GRID2: variants seen among roughly 807,000 people sequenced by gnomAD.
The protein encoded by GRID2 is glutamate ionotropic receptor delta type subunit 2.
In GRID2, 33 loss-of-function variants were observed where a neutral mutation model predicts 114.8. That is an observed-to-expected ratio of 0.29 (90% confidence interval 0.22 to 0.38). GRID2 has a LOEUF of 0.38. Among genes scored for constraint, GRID2 ranks in the 10% least tolerant of loss-of-function variants. GRID2 has a pLI of 1.00. For synonymous variants in GRID2, 505 were observed against 449.9 expected (o/e 1.12, Z -1.55); for missense variants, 1,184 against 1,257.7 (o/e 0.94, Z 0.89).
chr4:93,741,713 C>T (rs1731434467), intron 14 of GRID2, among the ~76,000 whole-genome samples: 1 of 152,078 alleles, frequency 6.6e-6, no homozygotes, highest in Non-Finnish European at 1.5e-5. Flanking sequence ...CTCCTGAGGT[C>T]AGGAGTTCGA....
chr4:93,315,172 C>T (rs944032619), intron 8 of GRID2, among the ~76,000 whole-genome samples: 7 of 152,072 alleles, frequency 4.6e-5, no homozygotes, highest in African/African-American at 1.7e-4. Context: ...AGAATTCACT[C>T]ACCATCACAA....
At chr4:92,651,585 T>C (rs778632071) in intron 2 of GRID2, among the ~76,000 whole-genome samples, 159 of 152,202 alleles carry the variant, frequency 1.0e-3, no homozygotes, top group Middle Eastern at 3.4e-3. Context: ...TTATTTTTCA[T>C]TCTGAGAGGT....
chr4:92,935,912 C>G (rs1216569329), intron 2 of GRID2, among the ~76,000 whole-genome samples: 3 of 145,356 alleles, frequency 2.1e-5, no homozygotes, highest in African/African-American at 7.3e-5. Flanking sequence ...GGAGGGATAG[C>G]ATTAAGAGAT....
At chr4:93,538,240 A>T (rs1210222075) in intron 13 of GRID2, among the ~76,000 whole-genome samples, 1 of 151,728 alleles carries the variant, frequency 6.6e-6, no homozygotes, top group African/African-American at 2.4e-5. Flanking sequence ...TGCTCAAATA[A>T]CAAAAGGAGC....
chr4:92,988,588 A>G (rs1754651713), intron 2 of GRID2, among the ~76,000 whole-genome samples: 1 of 152,110 alleles, frequency 6.6e-6, no homozygotes, highest in Non-Finnish European at 1.5e-5. Context: ...ATTGGGGACA[A>G]TCCTACAGGC....
chr4:93,163,389 T>C (rs1467251216), intron 4 of GRID2, among the ~76,000 whole-genome samples: 2 of 44,654 alleles, frequency 4.5e-5, no homozygotes, highest in African/African-American at 1.7e-4. Flanking sequence ...TATATATATA[T>C]ATATATATAT....
At chr4:93,659,811 G>A (rs1723326683) in intron 14 of GRID2, among the ~76,000 whole-genome samples, 1 of 151,158 alleles carries the variant, frequency 6.6e-6, no homozygotes, top group African/African-American at 2.5e-5. Context: ...CTGAAGATGG[G>A]AGACCTAGTT....
At chr4:92,450,972 C>A (rs1315226312) in intron 1 of GRID2, among the ~76,000 whole-genome samples, 1 of 150,312 alleles carries the variant, frequency 6.7e-6, no homozygotes, top group African/African-American at 2.4e-5. Flanking sequence ...AGTGACCATA[C>A]AAAACAAATA....
In GRID2 at chr4:92,917,516, C is replaced by T. The variant is rs1050182241; in HGVS notation, c.245-167479C>T. Among the ~76,000 whole-genome samples, 4 of 152,214 alleles carry T rather than the reference C, an allele frequency of 2.6e-5. No individual in the cohort carries two copies. In the South Asian group the frequency reaches 8.3e-4, roughly 32 times the overall value. On this transcript the variant is annotated intron_variant, in intron 2 of 15. Transcript: ENST00000282020. ...TAGGTCTAACGTTTAAGTCTTTAAT[C>T]GATCTTGAATTAATTTTTGTATAAG...
At chr4:92,519,185 C>A (rs561246373) in intron 1 of GRID2, among the ~76,000 whole-genome samples, 1 of 151,678 alleles carries the variant, frequency 6.6e-6, no homozygotes, top group African/African-American at 2.4e-5. Context: ...TCAATGGCAG[C>A]ATAGGATGGC....
chr4:92,720,944 T>C (rs1735781099), intron 2 of GRID2, among the ~76,000 whole-genome samples: 1 of 152,120 alleles, frequency 6.6e-6, no homozygotes, highest in South Asian at 2.1e-4. Flanking sequence ...AAATGTGGTA[T>C]AAATATAATG....
rs115725856 is a variant in GRID2 at position 92,675,969 on chromosome 4, A to G, written c.244+85683A>G. ...GAAAAAGAAAATACAGCCCTACGCTATATGTTATTTAATGCCTGAGAAGAG... is the reference window on the plus strand; with the variant it reads ...GAAAAAGAAAATACAGCCCTACGCTGTATGTTATTTAATGCCTGAGAAGAG... On this transcript the variant is annotated intron_variant, in intron 2 of 15. Coordinates refer to ENST00000282020, the MANE Select transcript of GRID2 (RefSeq NM_001510.4). Among the ~76,000 whole-genome samples the G allele has an allele frequency of 5.1e-3, 771 of 152,228 alleles. 9 individuals carry two copies. Among genetic ancestry groups the G allele is most frequent in the African/African-American group, 0.017 (725 of 41,542 alleles).
intron 13 of GRID2, among the ~76,000 whole-genome samples, chr4:93,619,237 T>G (rs1261583806): frequency 3.9e-5 from 6 of 152,186 alleles, no homozygotes; most frequent in African/African-American, 9.6e-5. Context: ...TACTTAAACT[T>G]GAGTTTGATC....
At chr4:93,185,428 T>G (rs78916609) in intron 4 of GRID2, among the ~76,000 whole-genome samples, 1,556 of 152,266 alleles carry the variant, frequency 0.01, 31 homozygotes, top group African/African-American at 0.036. Flanking sequence ...GATATCACAG[T>G]TTTAATTGAC....
intron 13 of GRID2, among the ~76,000 whole-genome samples, chr4:93,578,381 T>TAAAG (rs1397251503): frequency 6.6e-6 from 1 of 152,122 alleles, no homozygotes; most frequent in African/African-American, 2.4e-5. Context: ...CTGTGGGTTC[T>TAAAG]AAAGATTATA....
At chr4:93,388,468 CA>C (rs1451559811) in intron 8 of GRID2, among the ~76,000 whole-genome samples, 3 of 152,042 alleles carry the variant, frequency 2.0e-5, no homozygotes, top group African/African-American at 7.2e-5. Context: ...GCTTTAGAAA[CA>C]ATGTTTAAAT....
At chr4:93,708,036 T>A (rs1728160381) in intron 14 of GRID2, among the ~76,000 whole-genome samples, 1 of 152,004 alleles carries the variant, frequency 6.6e-6, no homozygotes, top group Non-Finnish European at 1.5e-5. Flanking sequence ...AGTTTGATTC[T>A]ATCCTTGTCA....
chr4:93,386,863 A>G (rs2149316914), intron 8 of GRID2, among the ~76,000 whole-genome samples: 1 of 152,288 alleles, frequency 6.6e-6, no homozygotes, highest in East Asian at 1.9e-4. Flanking sequence ...GGAAAGGTTC[A>G]TCTCAGAGTC....
chr4:92,581,229 G>A (rs1728170926), intron 1 of GRID2, among the ~76,000 whole-genome samples: 1 of 145,142 alleles, frequency 6.9e-6, no homozygotes, highest in African/African-American at 2.5e-5. Context: ...ATAGTCACAA[G>A]TACTCTTTAA....
Sources: gnomAD v4.1 joint callset for allele counts (sites outside exome capture counted in the v4.1 genomes callset) on GRCh38, gnomAD v4.1.1 for gene constraint, MANE v1.5 for transcripts, NCBI Gene and HGNC (gene_info 2026-07-23, HGNC 2026-07-21) for gene names.